ERP27: variants seen among roughly 807,000 people sequenced by gnomAD.
The protein encoded by ERP27 is endoplasmic reticulum resident protein 27.
ERP27 carries 23 observed loss-of-function variants against 27.7 expected under a neutral mutation model. That is an observed-to-expected ratio of 0.83 (90% CI 0.60 to 1.18). ERP27 has a LOEUF of 1.18. ERP27 is among the 50% of genes most tolerant of loss of function. The pLI is 0.00. For missense variants in ERP27, 363 were observed against 327.9 expected, an observed-to-expected ratio of 1.11 and a Z score of -0.83; for synonymous variants, 159 against 118.3, an observed-to-expected ratio of 1.34 and a Z score of -2.23.
Position 14,914,446 on chromosome 12 carries a change from G to A in ERP27, c.*289C>T. ...GCCTTGATCTAGGTGTGTTACAGATGGGCTTACAGAGTATGAATGCACGAT... is the reference window on the plus strand; with the variant it reads ...GCCTTGATCTAGGTGTGTTACAGATAGGCTTACAGAGTATGAATGCACGAT... On this transcript the variant is annotated 3_prime_UTR_variant, in exon 7 of 7. Transcript: ENST00000266397. 2.6e-6 allele frequency: 1 copy of A among 381,512 alleles called. No individual in the cohort carries two copies. Among genetic ancestry groups the A allele is most frequent in the South Asian group, 6.5e-5 (1 of 15,324 alleles). 23.6% of individuals were successfully genotyped at this position (381,512 alleles called of 1,614,324 possible).
chr12:14,933,841 T>C (rs1256401291), intron 3 of ERP27, among the ~76,000 whole-genome samples: 1 of 152,198 alleles, frequency 6.6e-6, no homozygotes, highest in Non-Finnish European at 1.5e-5. Flanking sequence ...TTTCTGTTGC[T>C]ACCTCTCTAC....
chr12:14,915,407 A>G, intron 6 of ERP27, 82 bp downstream of exon 6: 1 of 1,478,540 alleles, frequency 6.8e-7, no homozygotes, highest in Non-Finnish European at 9.3e-7. Context: ...TCCCTCTCTG[A>G]GCCCAAAGAA....
intron 4 of ERP27, among the ~76,000 whole-genome samples, chr12:14,918,979 A>T (rs907722276): frequency 2.6e-5 from 4 of 152,228 alleles, no homozygotes; most frequent in African/African-American, 9.6e-5. Flanking sequence ...CAAAAGGTAC[A>T]GTTATCTTGG....
chr12:14,928,966 CTCCTTCA>C, intron 3 of ERP27: 1 of 1,535,318 alleles, frequency 6.5e-7, no homozygotes. Flanking sequence ...GCTGGCAAGT[CTCCTTCA>C]TACTTAAGGC....
intron 3 of ERP27, among the ~76,000 whole-genome samples, chr12:14,921,887 GT>G (rs1442779509): frequency 6.6e-6 from 1 of 151,682 alleles, no homozygotes; most frequent in Non-Finnish European, 1.5e-5. Flanking sequence ...TAATGCTATA[GT>G]TTAGTTTTAC....
chr12:14,923,124 C>T (rs1273667690), intron 3 of ERP27, among the ~76,000 whole-genome samples: 1 of 151,138 alleles, frequency 6.6e-6, no homozygotes, highest in African/African-American at 2.4e-5. Flanking sequence ...TATTACTCTT[C>T]TCTAAAGTGA....
rs12578269 is a variant in ERP27, at chr12:14,914,603, C to T, written c.*132G>A. The stretch of plus-strand genomic sequence containing the variant: ...GCGTGTGTGTGTGCACGCGTGCGTG[C>T]GTGTGTGCACGTGCGTGTGTGTGTG... On this transcript the variant is annotated 3_prime_UTR_variant, in exon 7 of 7. Transcript: ENST00000266397. 1.0e-4 allele frequency: 68 copies of T among 663,750 alleles called. No individual in the cohort carries two copies. Among genetic ancestry groups the T allele is most frequent in the Admixed American group, 3.0e-4 (11 of 36,266 alleles). The allele number at this position is 663,750 out of a possible 1,614,324, so 41.1% of individuals were successfully genotyped here.
chr12:14,925,962 A>G (rs529865207), intron 3 of ERP27, among the ~76,000 whole-genome samples: 207 of 152,086 alleles, frequency 1.4e-3, no homozygotes, highest in Non-Finnish European at 2.3e-3. Context: ...CCAGGTACTC[A>G]GGAGGCTGAG....
intron 4 of ERP27, among the ~76,000 whole-genome samples, chr12:14,920,337 G>T (rs556946222): frequency 6.6e-6 from 1 of 152,308 alleles, no homozygotes; most frequent in African/African-American, 2.4e-5. Context: ...GTTTGCAGCT[G>T]CTGCCAGACC....
chr12:14,922,878 C>G (rs1175023216), intron 3 of ERP27, among the ~76,000 whole-genome samples: 1 of 152,116 alleles, frequency 6.6e-6, no homozygotes, highest in East Asian at 1.9e-4. Context: ...GAGTTCAAGA[C>G]TAGCCGGCCA....
Position 14,917,277 on chromosome 12 carries a change from T to A in ERP27, c.477A>T (p.Val159=). The change falls in exon 5 of 7, where the codon GTA becomes GTT. Residue 159 remains valine (V), a synonymous_variant. Transcript: ENST00000266397. ...TTATCAGGAGGAGATGAATCTGAAT[T>A]ACGCTGTTGAATAACCCAATCACAG... ...PVTVIGLFNS[V]IQIHLLLIMN... The A allele has an allele frequency of 6.2e-7, 1 of 1,614,160 alleles. No individual in the cohort carries two copies. Among genetic ancestry groups the A allele is most frequent in the South Asian group, 1.1e-5 (1 of 91,086 alleles).
intron 3 of ERP27, among the ~76,000 whole-genome samples, chr12:14,923,321 G>A (rs1408557420): frequency 6.6e-6 from 1 of 151,768 alleles, no homozygotes; most frequent in African/African-American, 2.4e-5. Flanking sequence ...GCAGTAGATG[G>A]TGAGACTTTT....
chr12:14,922,853 A>T (rs957136355), intron 3 of ERP27, among the ~76,000 whole-genome samples: 12 of 152,188 alleles, frequency 7.9e-5, no homozygotes, highest in Non-Finnish European at 1.6e-4. Flanking sequence ...AGGCCAGCGG[A>T]TCACCTGAGG....
At chr12:14,936,936 G>A (rs2120632519) in intron 2 of ERP27, among the ~76,000 whole-genome samples, 1 of 152,270 alleles carries the variant, frequency 6.6e-6, no homozygotes, top group South Asian at 2.1e-4. Flanking sequence ...GTCAAGCAGA[G>A]GGAGCTGGTA....
At chr12:14,934,191 T>C (rs770659631) in intron 3 of ERP27, among the ~76,000 whole-genome samples, 1 of 152,224 alleles carries the variant, frequency 6.6e-6, no homozygotes, top group Non-Finnish European at 1.5e-5. Context: ...CCGTTGGCCA[T>C]GAATTCTTTA....
chr12:14,920,838 T>C (rs568926956), intron 4 of ERP27, 94 bp downstream of exon 4: 14 of 892,882 alleles, frequency 1.6e-5, no homozygotes, highest in Admixed American at 8.0e-5. Flanking sequence ...GGTCGAAGAA[T>C]TGGAACTCTG....
chr12:14,934,439 A>G (rs186733237), intron 3 of ERP27, among the ~76,000 whole-genome samples: 57 of 152,338 alleles, frequency 3.7e-4, no homozygotes, highest in African/African-American at 1.4e-3. Context: ...TGCATAGGGC[A>G]TACAGGAAGT....
intron 3 of ERP27, among the ~76,000 whole-genome samples, chr12:14,928,299 G>A: frequency 6.6e-6 from 1 of 152,162 alleles, no homozygotes. Flanking sequence ...TTCAGGCAAA[G>A]GGAAATTAAA....
chr12:14,928,172 C>G (rs1312854596), intron 3 of ERP27, among the ~76,000 whole-genome samples: 2 of 152,202 alleles, frequency 1.3e-5, no homozygotes, highest in African/African-American at 4.8e-5. Flanking sequence ...CTGTATAGGT[C>G]CTGCCCAATC....
Sources: allele counts gnomAD v4.1 joint callset (sites outside exome capture counted in the v4.1 genomes callset), GRCh38; gene constraint gnomAD v4.1.1; transcripts MANE v1.5; gene names NCBI Gene and HGNC (gene_info 2026-07-23, HGNC 2026-07-21).